Variants in HNRNPM observed in about 807,000 individuals in gnomAD.
The protein encoded by HNRNPM is heterogeneous nuclear ribonucleoprotein M, also known as CEA receptor.
Under a neutral mutation model 73.1 loss-of-function variants are expected in HNRNPM, and 11 were observed. The observed-to-expected ratio is 0.15, with a 90% CI of 0.09 to 0.25. HNRNPM has a LOEUF of 0.25. Ranked by LOEUF, HNRNPM falls within the 10% of genes least tolerant of loss-of-function variation. HNRNPM has a pLI of 1.00. For synonymous variants in HNRNPM, 407 were observed against 355.2 expected (o/e 1.15, Z -1.64); for missense variants, 789 against 1,067.9 (o/e 0.74, Z 3.64).
chr19:8,471,547 CCTT>C (rs1970139023), intron 10 of HNRNPM, 120 bp downstream of exon 10: 1 of 468,518 alleles, frequency 2.1e-6, no homozygotes. Context: ...AAAATTCCCT[CCTT>C]ATTCATCTCT....
chr19:8,449,367 C>G (rs547572662), intron 1 of HNRNPM, among the ~76,000 whole-genome samples: 1 of 152,108 alleles, frequency 6.6e-6, no homozygotes, highest in African/African-American at 2.4e-5. Context: ...TGTCCCTTTG[C>G]TAGTCTGTAA....
In HNRNPM at chr19:8,485,661, CG is replaced by C; in HGVS notation, c.1238del (p.Gly413ValfsTer115). 1 of 1,607,956 alleles carries C rather than the reference CG, an allele frequency of 6.2e-7. No homozygotes were observed. ...ERMGPGIDRLGGAGMERMGAG... is the reference protein window; with the variant it reads ...ERMGPGIDRLXGAGMERMGAG... The stretch of plus-strand genomic sequence containing the variant: ...GGATGGGTCCTGGCATTGACCGCCT[CG>C]GGGGTGCCGGCATGGAGCGCATGGG... On this transcript the variant is annotated frameshift_variant, in exon 14 of 16. Coordinates refer to ENST00000325495, the MANE Select transcript of HNRNPM (RefSeq NM_005968.5). LOFTEE classifies it high-confidence loss of function.
At chr19:8,451,023 C>T (rs532330968) in intron 1 of HNRNPM, among the ~76,000 whole-genome samples, 6 of 152,164 alleles carry the variant, frequency 3.9e-5, no homozygotes, top group Non-Finnish European at 8.8e-5. Context: ...TTTCCTGCCT[C>T]AGCCTCCCGA....
intron 2 of HNRNPM, among the ~76,000 whole-genome samples, chr19:8,458,963 G>A (rs117461070): frequency 0.01 from 1,590 of 152,260 alleles, 11 homozygotes; most frequent in South Asian, 0.041. Flanking sequence ...TTGAGATGGA[G>A]TCTTGCTCTT....
chr19:8,474,958 G>T (rs1397959047), intron 12 of HNRNPM, among the ~76,000 whole-genome samples: 4 of 152,030 alleles, frequency 2.6e-5, no homozygotes, highest in African/African-American at 4.8e-5. Flanking sequence ...CATGTGATCC[G>T]CCCGCCTCAG....
intron 8 of HNRNPM, among the ~76,000 whole-genome samples, 169 bp from the exon 9 acceptor site, chr19:8,468,605 A>G (rs1367384476): frequency 6.6e-6 from 1 of 152,162 alleles, no homozygotes; most frequent in Non-Finnish European, 1.5e-5. Flanking sequence ...TTCCCTTGAC[A>G]TAAAATAGGA....
At chr19:8,446,119 TTTCCCAGAC>T in intron 1 of HNRNPM, among the ~76,000 whole-genome samples, 1 of 152,302 alleles carries the variant, frequency 6.6e-6, no homozygotes, top group Admixed American at 6.5e-5. Flanking sequence ...ACACATTGAA[TTTCCCAGAC>T]ATTTATTTCA....
chr19:8,474,671 A>G (rs1970380165), intron 12 of HNRNPM, among the ~76,000 whole-genome samples: 2 of 151,858 alleles, frequency 1.3e-5, no homozygotes, highest in South Asian at 2.1e-4. Context: ...TAGCATTTAC[A>G]TAATGCAAAT....
At chr19:8,482,138 A>G (rs569675999) in intron 12 of HNRNPM, among the ~76,000 whole-genome samples, 1 of 152,072 alleles carries the variant, frequency 6.6e-6, no homozygotes, top group East Asian at 1.9e-4. Context: ...ATACCCGGCT[A>G]ATTTTTAGTA....
Position 8,473,710 on chromosome 19 carries a change from TA to T in HNRNPM, c.1042+4del. 1.3e-6 allele frequency: 2 copies of T among 1,531,542 alleles called. No homozygotes were observed. The highest frequency in any genetic ancestry group is 1.8e-6 in the Non-Finnish European group (2 of 1,107,014). 94.9% of individuals were successfully genotyped at this position (1,531,542 alleles called of 1,614,324 possible). On this transcript the variant is annotated splice_donor_region_variant and intron_variant, in intron 11 of 15. Transcript: ENST00000325495. ...GATTTGGAATAAATAAAATGGGAGG[TA>T]AGAAATTTAAAATGAAGTACAAGCA...
Position 8,445,046 on chromosome 19 carries a change from C to A in HNRNPM, c.48C>A (p.Ile16=). The change falls in exon 1 of 16, where the codon ATC becomes ATA. Residue 16 remains isoleucine (I), a synonymous_variant. Transcript: ENST00000325495. ...EAAAEVAATE[I]KMEEESGAPG... is the part of the protein sequence containing the mutation. Reference sequence around the variant, plus strand: ...CGGCGGAGGTGGCGGCGACGGAGATCAAAATGGAGGAAGAGAGCGGCGCGC... The same window carrying A: ...CGGCGGAGGTGGCGGCGACGGAGATAAAAATGGAGGAAGAGAGCGGCGCGC... 1 of 1,432,848 alleles carries A rather than the reference C, an allele frequency of 7.0e-7. No homozygotes were observed. Among genetic ancestry groups the A allele is most frequent in the Non-Finnish European group, 9.1e-7 (1 of 1,097,450 alleles). The allele number at this position is 1,432,848 out of a possible 1,614,324, so 88.8% of individuals were successfully genotyped here. A position where few individuals can be genotyped will look rare whatever the true frequency, so the allele number is the denominator to read the frequency against.
chr19:8,479,083 T>C (rs867367663), intron 12 of HNRNPM, among the ~76,000 whole-genome samples: 4 of 103,274 alleles, frequency 3.9e-5, no homozygotes, highest in South Asian at 4.0e-4. Context: ...TCTTTCTTTT[T>C]TTTTTTTTTT....
intron 12 of HNRNPM, among the ~76,000 whole-genome samples, chr19:8,476,745 C>T (rs2145719907): frequency 6.6e-6 from 1 of 152,296 alleles, no homozygotes; most frequent in South Asian, 2.1e-4. Context: ...ATGCTGATGC[C>T]AGCCTGTGGC....
intron 5 of HNRNPM, chr19:8,463,950 C>T (rs188869005): frequency 5.5e-4 from 225 of 410,300 alleles, no homozygotes; most frequent in Non-Finnish European, 8.8e-4. Context: ...CAGGGACTCT[C>T]AAACCATGAG....
At chr19:8,486,625 C>T (rs191441569) in intron 14 of HNRNPM, among the ~76,000 whole-genome samples, 158 of 143,078 alleles carry the variant, frequency 1.1e-3, no homozygotes, top group Admixed American at 2.1e-3. Context: ...ATGGAGCAGA[C>T]GCTGAGCTCA....
At chr19:8,465,267 G>A (rs942600782) in intron 5 of HNRNPM, 57 bp from the exon 6 acceptor site, 13 of 1,333,930 alleles carry the variant, frequency 9.7e-6, no homozygotes, top group Non-Finnish European at 1.3e-5. Context: ...TACTGTGCAA[G>A]CATGGTTTGC....
intron 2 of HNRNPM, among the ~76,000 whole-genome samples, chr19:8,456,481 C>T (rs879916193): frequency 1.3e-5 from 2 of 152,224 alleles, no homozygotes; most frequent in Admixed American, 6.5e-5. Flanking sequence ...CCCCGCACCC[C>T]GACCTAGACT....
intron 9 of HNRNPM, among the ~76,000 whole-genome samples, chr19:8,469,388 T>A (rs560694246): frequency 6.6e-6 from 1 of 152,312 alleles, no homozygotes; most frequent in South Asian, 2.1e-4. Context: ...TTGGATTTCT[T>A]TTTTGGGTGA....
intron 11 of HNRNPM, 53 bp downstream of exon 11, chr19:8,473,761 T>G: frequency 9.3e-7 from 1 of 1,076,120 alleles, no homozygotes; most frequent in Non-Finnish European, 1.4e-6. Flanking sequence ...CATAGTTTTC[T>G]CTCTTTCCTC....
Sources: gnomAD v4.1 joint callset for allele counts (sites outside exome capture counted in the v4.1 genomes callset) on GRCh38, gnomAD v4.1.1 for gene constraint, MANE v1.5 for transcripts, NCBI Gene and HGNC (gene_info 2026-07-23, HGNC 2026-07-21) for gene names.